Variants in TNFRSF13B observed in about 807,000 individuals in gnomAD.
The protein encoded by TNFRSF13B is tumor necrosis factor receptor superfamily member 13B.
Under a neutral mutation model 24.0 loss-of-function variants are expected in TNFRSF13B, and 34 were observed. That is an observed-to-expected ratio of 1.41 (90% CI 1.08 to 1.88). TNFRSF13B has a LOEUF of 1.88. Among genes scored for constraint, TNFRSF13B ranks in the 40% most tolerant of loss-of-function variants. TNFRSF13B has a pLI of 0.00. For synonymous variants in TNFRSF13B, 173 were observed against 150.3 expected, an observed-to-expected ratio of 1.15 and a Z score of -1.10; for missense variants, 415 against 380.8, an observed-to-expected ratio of 1.09 and a Z score of -0.75.
chr17:16,968,930 A>G (rs1015769023), intron 1 of TNFRSF13B, among the ~76,000 whole-genome samples: 3 of 152,250 alleles, frequency 2.0e-5, no homozygotes, highest in African/African-American at 7.2e-5. Flanking sequence ...TAAATGGCTA[A>G]AGAAGCACAT....
rs772011245 is a variant in TNFRSF13B at position 16,939,585 on chromosome 17, C to T, written c.844G>A (p.Val282Met). The T allele has an allele frequency of 6.2e-7, 1 of 1,613,566 alleles. No homozygotes were observed. Among genetic ancestry groups the T allele is most frequent in the Admixed American group, 1.7e-5 (1 of 59,934 alleles). ...PHIPDSGLGI[V>M]CVPAQEGGPG... ...CCCCCCTCCTGGGCAGGCACACACA[C>T]AATGCCAAGGCCACTGTCTGGGATG... Residue 282 changes from valine (V) to methionine (M), a missense_variant, in exon 5 of 5, where the codon GTG becomes ATG. By Grantham distance (21) the Val-to-Met change is conservative. Transcript: ENST00000261652.
At chr17:16,940,645 C>T (rs1390249810) in intron 3 of TNFRSF13B, 134 bp from the exon 4 acceptor site, 11 of 1,511,716 alleles carry the variant, frequency 7.3e-6, no homozygotes, top group Non-Finnish European at 9.7e-6. Context: ...CCTTTTCTGA[C>T]CCTGAGGCTG....
In TNFRSF13B at chr17:16,939,706, C is replaced by A. The variant is rs766034334; in HGVS notation, c.723G>T (p.Thr241=). The change falls in exon 5 of 5, where the codon ACG becomes ACT. Residue 241 remains threonine (T), a synonymous_variant. Coordinates refer to ENST00000261652, the MANE Select transcript of TNFRSF13B (RefSeq NM_012452.3). ...SFCFPECRAP[T]QESAVTPGTP... ...TCCCAGGCGTGACTGCGCTCTCCTG[C>A]GTGGGCGCCCTGCACTCAGGGAAGC... The A allele has an allele frequency of 6.8e-6, 11 of 1,606,372 alleles. No individual in the cohort carries two copies. In the African/African-American group the frequency reaches 1.2e-4, roughly 18 times the overall value.
chr17:16,968,088 CCGAGAT>C (rs1323825269), intron 1 of TNFRSF13B, among the ~76,000 whole-genome samples: 3 of 145,284 alleles, frequency 2.1e-5, no homozygotes, highest in African/African-American at 7.7e-5. Flanking sequence ...TCGCAGTGAG[CCGAGAT>C]CGCACCACTG....
intron 1 of TNFRSF13B, among the ~76,000 whole-genome samples, chr17:16,953,742 C>T (rs191015506): frequency 2.6e-5 from 4 of 152,226 alleles, no homozygotes; most frequent in African/African-American, 9.6e-5. Flanking sequence ...CTTAAAAATG[C>T]TTAAAAGCAT....
rs1187324193 is a variant in TNFRSF13B, at chr17:16,970,705, A to G, written c.61+1310T>C. ...CGGCCAGGGCTGATTCGGCAGCACCAGACAGCTTCTGCCACTGCCAGGTCA... is the reference window on the plus strand; with the variant it reads ...CGGCCAGGGCTGATTCGGCAGCACCGGACAGCTTCTGCCACTGCCAGGTCA... On this transcript the variant is annotated intron_variant, in intron 1 of 4. Coordinates refer to ENST00000261652, the MANE Select transcript of TNFRSF13B (RefSeq NM_012452.3). Among the ~76,000 whole-genome samples the G allele has an allele frequency of 2.6e-5, 4 of 152,334 alleles. No homozygotes were observed. The East Asian group carries it at 5.8e-4, about 22-fold the overall frequency.
At chr17:16,971,939 C>T (rs2143696522) in intron 1 of TNFRSF13B, 76 bp downstream of exon 1, 3 of 1,504,098 alleles carry the variant, frequency 2.0e-6, no homozygotes, top group East Asian at 4.5e-5. Context: ...CTGGACCTTG[C>T]AACCCCCACG....
intron 3 of TNFRSF13B, chr17:16,941,305 C>T (rs547466515): frequency 1.0e-6 from 1 of 987,662 alleles, no homozygotes; most frequent in East Asian, 1.1e-4. Context: ...ACAGCAGGTG[C>T]CAACCAGGAG....
intron 3 of TNFRSF13B, among the ~76,000 whole-genome samples, chr17:16,945,825 A>G (rs4273077): frequency 0.13 from 20,364 of 151,696 alleles, 1,730 homozygotes; most frequent in East Asian, 0.47. Context: ...TGCTCCTTCC[A>G]CCAAGAGGTG....
At chr17:16,969,429 T>C (rs2087728227) in intron 1 of TNFRSF13B, among the ~76,000 whole-genome samples, 1 of 152,234 alleles carries the variant, frequency 6.6e-6, no homozygotes. Flanking sequence ...GAAAACATTA[T>C]GCCAAGTGGA....
At chr17:16,940,975 G>A (rs544942398) in intron 3 of TNFRSF13B, 29 of 1,041,766 alleles carry the variant, frequency 2.8e-5, no homozygotes, top group African/African-American at 5.0e-5. Flanking sequence ...CAAAATCCGC[G>A]GATGTCCAAG....
rs547938174 is a variant in TNFRSF13B, at chr17:16,964,259, A to AC, written c.61+7755dup. ...TTGAAATACTGAAAATGGCTCTAAG[A>AC]CCCCCCTGCCTGCTCCCACCTCCAC... On this transcript the variant is annotated intron_variant, in intron 1 of 4. Coordinates refer to ENST00000261652, the MANE Select transcript of TNFRSF13B (RefSeq NM_012452.3). Among the ~76,000 whole-genome samples, 16 of 145,770 alleles carry AC rather than the reference A, an allele frequency of 1.1e-4. No individual in the cohort carries two copies. In the South Asian group the frequency reaches 2.0e-3, roughly 18 times the overall value.
chr17:16,954,499 A>G (rs762465420), intron 1 of TNFRSF13B, among the ~76,000 whole-genome samples: 14 of 152,360 alleles, frequency 9.2e-5, no homozygotes, highest in South Asian at 2.1e-4. Flanking sequence ...AAGTCCATCT[A>G]TCTTCAGAGA....
At chr17:16,946,225 T>C (rs1258459626) in intron 3 of TNFRSF13B, among the ~76,000 whole-genome samples, 1 of 152,214 alleles carries the variant, frequency 6.6e-6, no homozygotes, top group African/African-American at 2.4e-5. Flanking sequence ...CATGGGACCT[T>C]AGCCCTGGGA....
At chr17:16,941,385 GAC>G in intron 3 of TNFRSF13B, 2 of 987,656 alleles carry the variant, frequency 2.0e-6, no homozygotes, top group Non-Finnish European at 2.4e-6. Flanking sequence ...GGATGCCAGA[GAC>G]AGACTCAGCC....
At chr17:16,952,645 A>G in intron 1 of TNFRSF13B, 62 bp from the exon 2 acceptor site, 1 of 1,612,262 alleles carries the variant, frequency 6.2e-7, no homozygotes, top group Admixed American at 1.7e-5. Flanking sequence ...CTTGTCCCTG[A>G]TGGGAACCAA....
chr17:16,959,467 G>C (rs1169395922), intron 1 of TNFRSF13B, among the ~76,000 whole-genome samples: 1 of 151,220 alleles, frequency 6.6e-6, no homozygotes, highest in Non-Finnish European at 1.5e-5. Context: ...CAGAAGGAAA[G>C]AAATAATGAA....
At chr17:16,941,716 A>G (rs1306918780) in intron 3 of TNFRSF13B, among the ~76,000 whole-genome samples, 3 of 152,136 alleles carry the variant, frequency 2.0e-5, no homozygotes, top group Non-Finnish European at 4.4e-5. Flanking sequence ...GTCTAATTGG[A>G]GACAATTTTT....
At chr17:16,969,994 T>G (rs7225292) in intron 1 of TNFRSF13B, among the ~76,000 whole-genome samples, 13,575 of 152,100 alleles carry the variant, frequency 0.089, 1,439 homozygotes, top group African/African-American at 0.25. Context: ...GCCTTGGAGA[T>G]GTTCCAAGAC....
Sources: gnomAD v4.1 joint callset for allele counts (sites outside exome capture counted in the v4.1 genomes callset) on GRCh38, gnomAD v4.1.1 for gene constraint, MANE v1.5 for transcripts, NCBI Gene and HGNC (gene_info 2026-07-23, HGNC 2026-07-21) for gene names.